The following ALG12 variants were observed in gnomAD, a reference collection of about 807,000 sequenced individuals.
ALG12 encodes the protein ALG12 alpha-1,6-mannosyltransferase, also known as dol-P-Man:Man(7)GlcNAc(2)-PP-Dol alpha-1,6-mannosyltransferase.
In ALG12, 36 loss-of-function variants were observed where a neutral mutation model predicts 46.0. The ratio of observed to expected loss-of-function variants is 0.78; its 90% CI spans 0.60 to 1.03. ALG12 has a LOEUF of 1.03. ALG12 is among the 50% of genes least tolerant of loss of function. The pLI is 0.00. For synonymous variants in ALG12, 326 were observed against 291.6 expected, an observed-to-expected ratio of 1.12 and a Z score of -1.20; for missense variants, 599 against 633.5, an observed-to-expected ratio of 0.95 and a Z score of 0.58.
In ALG12 at chr22:49,903,154, C is replaced by G. The variant is rs2082693702; in HGVS notation, c.*684G>C. Reference sequence around the variant, plus strand: ...TTACCATAACACCTGGAATAGTCACCTGTGATAAGCTATCACATAGGAAAC... The same window carrying G: ...TTACCATAACACCTGGAATAGTCACGTGTGATAAGCTATCACATAGGAAAC... On this transcript the variant is annotated 3_prime_UTR_variant, in exon 10 of 10. Coordinates refer to ENST00000330817, the MANE Select transcript of ALG12 (RefSeq NM_024105.4). 3 of 363,672 alleles carry G rather than the reference C, an allele frequency of 8.2e-6. No homozygotes were observed. 22.5% of individuals were successfully genotyped at this position (363,672 alleles called of 1,614,324 possible).
chr22:49,894,987 A>G, the ALG12 span, among the ~76,000 whole-genome samples: 1 of 152,136 alleles, frequency 6.6e-6, no homozygotes, highest in East Asian at 1.9e-4. Flanking sequence ...CACATGTGGG[A>G]GTGAAGCCCA....
Position 49,902,203 on chromosome 22 carries a change from CATGTGCACTGTGTGGTGTGTATGCATGGT to C in ALG12, c.*1606_*1634del. On this transcript the variant is annotated 3_prime_UTR_variant, in exon 10 of 10. Transcript: ENST00000330817. ...GTGGTGTGTATGCATGGTGTGTGCA[CATGTGCACTGTGTGGTGTGTATGCATGGT>C]GTGTGCACGTGTGCACTGTGTATGC... 7.8e-6 allele frequency: 1 copy of C among 127,442 alleles called. No individual in the cohort carries two copies. Among genetic ancestry groups the C allele is most frequent in the African/African-American group, 3.2e-5 (1 of 31,348 alleles). 7.9% of individuals were successfully genotyped at this position (127,442 alleles called of 1,614,324 possible).
the ALG12 span, among the ~76,000 whole-genome samples, chr22:49,881,589 C>G: frequency 6.6e-6 from 1 of 152,196 alleles, no homozygotes. Flanking sequence ...ATTATTCAGG[C>G]TAGTCTTCAA....
chr22:49,909,979 G>T lies in ALG12; in HGVS notation c.579C>A (p.Leu193=), dbSNP rs996458380. Residue 193 remains leucine, a synonymous_variant, in exon 5 of 10, where the codon CTC becomes CTA. Transcript: ENST00000330817. ...GGTTGCCCAAGGCCAGCAGCAGCAG[G>T]AGGCCCAGGAACAGGCACAGCTCCA... ...FRVELCLFLG[L]LLLLALGNRK... 3.1e-6 allele frequency: 5 copies of T among 1,614,030 alleles called. No homozygotes were observed. The highest frequency in any genetic ancestry group is 4.2e-6 in the Non-Finnish European group (5 of 1,179,992).
chr22:49,863,175 TTTGGTTGG>T, the ALG12 span, among the ~76,000 whole-genome samples: 1 of 151,932 alleles, frequency 6.6e-6, no homozygotes, highest in African/African-American at 2.4e-5. Context: ...GTAGATTGTG[TTTGGTTGG>T]TTGGTTGGTT....
chr22:49,865,262 C>CA, the ALG12 span, among the ~76,000 whole-genome samples: 1 of 152,054 alleles, frequency 6.6e-6, no homozygotes, highest in South Asian at 2.1e-4. Context: ...GCACAGTAAA[C>CA]AGATGGTGTC....
Position 49,901,801 on chromosome 22 carries a change from GCATGGTGTGTGCACGTGTGCACT to G in ALG12, c.*2014_*2036del, listed in dbSNP as rs2060508806. On this transcript the variant is annotated 3_prime_UTR_variant, in exon 10 of 10. Transcript: ENST00000330817. Reference sequence around the variant, plus strand: ...CGTGTGCACTGTGTGTGGTATGTATGCATGGTGTGTGCACGTGTGCACTGTGTGTATGCATGGTGTGTGCACGT... The same window carrying G: ...CGTGTGCACTGTGTGTGGTATGTATGGTGTGTATGCATGGTGTGTGCACGT... The G allele has an allele frequency of 2.0e-5, 3 of 146,918 alleles. No individual in the cohort carries two copies. The highest frequency in any genetic ancestry group is 4.3e-4 in the South Asian group (2 of 4,618). The allele number at this position is 146,918 out of a possible 1,614,324, so 9.1% of individuals were successfully genotyped here.
chr22:49,864,196 C>T, the ALG12 span, among the ~76,000 whole-genome samples: 10 of 152,218 alleles, frequency 6.6e-5, no homozygotes, highest in African/African-American at 2.4e-4. Context: ...CATGGGTGTG[C>T]TTTAATCTTA....
At position 49,907,725 on chromosome 22, in the gene ALG12, A is replaced by G. The variant is rs762027786; in HGVS notation, c.988T>C (p.Tyr330His). ...TGTCACAAAAAGAGCACTCACAGGT[A>G]GGAGCAGCCTCTGGCAGCCGTGATG... The part of the protein sequence containing the change: ...LNITAARGCS[Y>H]LLNNYKKSWL... Residue 330 changes from tyrosine to histidine, a missense_variant, in exon 7 of 10, where the codon TAC becomes CAC. By Grantham distance (83) the Tyr-to-His change is moderately conservative. Transcript: ENST00000330817. 1 of 1,613,936 alleles carries G rather than the reference A, an allele frequency of 6.2e-7. No homozygotes were observed. The highest frequency in any genetic ancestry group is 8.5e-7 in the Non-Finnish European group (1 of 1,179,954).
At chr22:49,886,592 G>A in the ALG12 span, 1 of 1,558,596 alleles carries the variant, frequency 6.4e-7, no homozygotes, top group Non-Finnish European at 8.7e-7. This position sits in a 1 kb window ranked among gnomAD's most constrained non-coding sequence, Gnocchi z 7.7. Context: ...GAGACGATGG[G>A]CATCGACACC....
the ALG12 span, chr22:49,886,171 A>G: frequency 1.4e-6 from 1 of 701,822 alleles, no homozygotes. The surrounding 1 kb of genome is among the most constrained non-coding windows in gnomAD (Gnocchi z 7.7). Context: ...CCTGATCGTC[A>G]GCGAGGCCAT....
chr22:49,872,162 C>T, the ALG12 span, among the ~76,000 whole-genome samples: 2 of 152,182 alleles, frequency 1.3e-5, no homozygotes, highest in African/African-American at 2.4e-5. Context: ...GTAGTCAATC[C>T]TCTCAAACCC....
At chr22:49,895,848 G>A (rs539670203), downstream of ALG12, among the ~76,000 whole-genome samples, 5 of 140,334 alleles carry the variant, frequency 3.6e-5, no homozygotes, top group South Asian at 8.6e-4. Flanking sequence ...AGTAGGACCA[G>A]TCACTCTAAA....
the ALG12 span, among the ~76,000 whole-genome samples, chr22:49,863,646 T>G: frequency 6.7e-6 from 1 of 150,222 alleles, no homozygotes; most frequent in Non-Finnish European, 1.5e-5. Flanking sequence ...AAAAAAAGTG[T>G]GATGTTCTGG....
At chr22:49,909,097 G>A (rs944102755) in intron 6 of ALG12, 147 bp downstream of exon 6, 3 of 849,526 alleles carry the variant, frequency 3.5e-6, no homozygotes, top group Admixed American at 2.0e-5. Context: ...CATTTCCCAG[G>A]AGCAAGTGGG....
the ALG12 span, among the ~76,000 whole-genome samples, chr22:49,878,984 A>G: frequency 4.6e-5 from 7 of 151,774 alleles, no homozygotes; most frequent in African/African-American, 1.7e-4. Context: ...CTCTACTAAA[A>G]ATACAAAAAA....
At chr22:49,863,367 G>A in the ALG12 span, among the ~76,000 whole-genome samples, 5 of 152,154 alleles carry the variant, frequency 3.3e-5, no homozygotes, top group Non-Finnish European at 5.9e-5. Flanking sequence ...GGTGGCTCAC[G>A]CCTGTAATCC....
At chr22:49,908,116 G>C (rs1458333479) in intron 6 of ALG12, among the ~76,000 whole-genome samples, 172 bp from the exon 7 acceptor site, 2 of 152,148 alleles carry the variant, frequency 1.3e-5, no homozygotes, top group Non-Finnish European at 2.9e-5. Flanking sequence ...CTAAAAGACA[G>C]AGCCCAGGCC....
chr22:49,911,807 T>C (rs2060578115), intron 3 of ALG12, among the ~76,000 whole-genome samples: 1 of 152,196 alleles, frequency 6.6e-6, no homozygotes, highest in South Asian at 2.1e-4. Context: ...TTTTTGGTGC[T>C]GGAATTTCCC....
Sources: gnomAD v4.1 joint callset for allele counts (sites outside exome capture counted in the v4.1 genomes callset) on GRCh38, gnomAD v4.1.1 for gene constraint, Gnocchi (gnomAD v3.1) non-coding constraint, MANE v1.5 for transcripts, NCBI Gene and HGNC (gene_info 2026-07-23, HGNC 2026-07-21) for gene names.